Variants in ABCB4 observed in about 807,000 individuals in gnomAD.
ABCB4 encodes the protein ATP binding cassette subfamily B member 4, also known as phosphatidylcholine translocator ABCB4.
A neutral mutation model predicts 145.7 loss-of-function variants in ABCB4; 76 were observed. The observed-to-expected ratio is 0.52, with a 90% CI of 0.43 to 0.63. The LOEUF is 0.63. Ranked by LOEUF, ABCB4 falls within the 30% of genes least tolerant of loss-of-function variation. ABCB4 has a pLI of 0.00. For missense variants in ABCB4, 1,234 were observed against 1,553.1 expected (o/e 0.79, Z 3.45); for synonymous variants, 517 against 566.8 (o/e 0.91, Z 1.25).
the ABCB4 span, chr7:87,382,232 C>A: frequency 6.7e-7 from 1 of 1,498,402 alleles, no homozygotes; most frequent in Non-Finnish European, 9.2e-7. Flanking sequence ...CTTTTAACAA[C>A]CATATGTAAA....
At chr7:87,459,374 T>C (rs996592429) in intron 4 of ABCB4, among the ~76,000 whole-genome samples, 1 of 152,176 alleles carries the variant, frequency 6.6e-6, no homozygotes, top group African/African-American at 2.4e-5. Flanking sequence ...AGATACCTCA[T>C]AAAAGTAGAA....
the ABCB4 span, among the ~76,000 whole-genome samples, chr7:87,393,312 A>G: frequency 6.6e-6 from 1 of 152,120 alleles, no homozygotes; most frequent in Non-Finnish European, 1.5e-5. Flanking sequence ...CGATTCGGCA[A>G]TCATATCATC....
At chr7:87,467,278 C>A (rs1476301050) in intron 3 of ABCB4, among the ~76,000 whole-genome samples, 1 of 152,082 alleles carries the variant, frequency 6.6e-6, no homozygotes. Context: ...GAATTTAAAC[C>A]AACAAAGATC....
chr7:87,447,007 T>C, intron 9 of ABCB4, 27 bp downstream of exon 9: 1 of 1,577,166 alleles, frequency 6.3e-7, no homozygotes, highest in East Asian at 2.2e-5. Context: ...TTTCATATTC[T>C]TCATAAATGT....
chr7:87,397,100 T>C (rs919040712), downstream of ABCB4, among the ~76,000 whole-genome samples: 138 of 152,280 alleles, frequency 9.1e-4, no homozygotes, highest in African/African-American at 3.1e-3. Flanking sequence ...ACGCCTGTAA[T>C]CCCAGCACTT....
chr7:87,393,011 GGTA>G, the ABCB4 span: 17 of 1,613,368 alleles, frequency 1.1e-5, no homozygotes, highest in East Asian at 1.3e-4. Context: ...TCCAGGGAGT[GGTA>G]GTTCCCATGG....
intron 17 of ABCB4, among the ~76,000 whole-genome samples, chr7:87,423,166 C>T (rs1265722969): frequency 1.3e-5 from 2 of 152,166 alleles, no homozygotes; most frequent in African/African-American, 2.4e-5. Flanking sequence ...CAAAGTCTCT[C>T]CAATAACATT....
At chr7:87,415,501 C>A (rs1041926164) in intron 21 of ABCB4, among the ~76,000 whole-genome samples, 1 of 147,304 alleles carries the variant, frequency 6.8e-6, no homozygotes, top group Non-Finnish European at 1.5e-5. Flanking sequence ...CATATTTAAT[C>A]TTTCATATTT....
At chr7:87,392,789 C>T in the ABCB4 span, 1 of 1,613,710 alleles carries the variant, frequency 6.2e-7, no homozygotes, top group Non-Finnish European at 8.5e-7. Flanking sequence ...TCTTCCTGTT[C>T]CAGAACTCTT....
Position 87,417,511 on chromosome 7 carries a change from G to C in ABCB4, c.2483C>G (p.Thr828Arg). The change falls in exon 21 of 28, where the codon ACA (threonine) becomes AGA (arginine). Residue 828 changes from threonine (T) to arginine (R), a missense_variant. Thr to Arg is a moderately conservative substitution (Grantham distance 71, BLOSUM62 -1). Around this residue, in one of 7 missense-constraint regions of ABCB4, gnomAD observed 321 missense variants for 332.6 expected, o/e 0.97. Transcript: ENST00000649586. ...ATDAAQVQGA[T>R]GTRLALIAQN... is the part of the protein sequence containing the mutation. ...TGCAATTAAAGCCAACCTGGTTCCT[G>C]TGGCCTGGGAGAGAAAAAGCACAAA... The C allele has an allele frequency of 3.1e-6, 5 of 1,614,056 alleles. No homozygotes were observed. Among genetic ancestry groups the C allele is most frequent in the Non-Finnish European group, 4.2e-6 (5 of 1,179,932 alleles).
chr7:87,382,131 G>A, the ABCB4 span: 10 of 1,613,534 alleles, frequency 6.2e-6, no homozygotes, highest in South Asian at 1.1e-5. Context: ...CATTGTGGAT[G>A]AGAAAGTTTT....
chr7:87,432,420 A>C, intron 14 of ABCB4, among the ~76,000 whole-genome samples: 1 of 152,224 alleles, frequency 6.6e-6, no homozygotes. Context: ...TGGTTAACAT[A>C]TAAATTAAAA....
At chr7:87,392,604 A>G in the ABCB4 span, 1 of 1,613,626 alleles carries the variant, frequency 6.2e-7, no homozygotes, top group Non-Finnish European at 8.5e-7. Context: ...AAGCTTTTGC[A>G]AAGCATAATA....
the ABCB4 span, chr7:87,382,662 T>C: frequency 2.1e-6 from 2 of 947,396 alleles, no homozygotes; most frequent in Admixed American, 2.6e-5. Context: ...GCTGGTACTG[T>C]GTCCTATTTG....
chr7:87,419,498 T>TA (rs1306935755), intron 19 of ABCB4, among the ~76,000 whole-genome samples: 1 of 152,192 alleles, frequency 6.6e-6, no homozygotes, highest in Admixed American at 6.5e-5. Flanking sequence ...AATGTTTGAA[T>TA]AAACAAACAA....
In ABCB4 at chr7:87,454,257, G is replaced by A. The variant is rs868808721; in HGVS notation, c.344+278C>T. Among the ~76,000 whole-genome samples the A allele has an allele frequency of 7.6e-4, 116 of 152,120 alleles. 1 individual carries two copies. The highest frequency in any genetic ancestry group is 2.2e-4 in the Non-Finnish European group (15 of 68,018). ...CATTATTGGATCAAATGACAAAATT[G>A]GAATATAGATGTTATATTAGATAAA... On this transcript the variant is annotated intron_variant, in intron 5 of 27. Coordinates refer to ENST00000649586, the MANE Select transcript of ABCB4 (RefSeq NM_000443.4).
chr7:87,428,329 C>T (rs985328157), intron 15 of ABCB4, among the ~76,000 whole-genome samples: 1 of 152,174 alleles, frequency 6.6e-6, no homozygotes, highest in Non-Finnish European at 1.5e-5. Context: ...ACTTTTCCAC[C>T]AGGTGTTAAA....
chr7:87,369,629 T>C, the ABCB4 span: 1 of 355,018 alleles, frequency 2.8e-6, no homozygotes, highest in East Asian at 4.6e-5. Flanking sequence ...AATCTATTTG[T>C]ATTTTTTATT....
At chr7:87,441,263 T>C (rs1810968131) in intron 12 of ABCB4, among the ~76,000 whole-genome samples, 1 of 152,348 alleles carries the variant, frequency 6.6e-6, no homozygotes, top group Middle Eastern at 3.4e-3. Context: ...TAAAACATTT[T>C]AATAACTTAC....
Sources: gnomAD v4.1 joint callset for allele counts (sites outside exome capture counted in the v4.1 genomes callset) on GRCh38, gnomAD v4.1.1 for gene constraint, gnomAD v4.1.1 regional missense constraint, MANE v1.5 for transcripts, NCBI Gene and HGNC (gene_info 2026-07-23, HGNC 2026-07-21) for gene names.